The following PCDHGA7 variants were observed in gnomAD, a reference collection of about 807,000 sequenced individuals.
PCDHGA7 encodes protocadherin gamma-A7.
A neutral mutation model predicts 58.3 loss-of-function variants in PCDHGA7; 44 were observed. That is an observed-to-expected ratio of 0.75 (90% CI 0.59 to 0.97). PCDHGA7 has a LOEUF of 0.97. Among genes scored for constraint, PCDHGA7 ranks in the 50% least tolerant of loss-of-function variants. The pLI, the probability that PCDHGA7 is intolerant of heterozygous loss-of-function variation, is 0.00. For missense variants in PCDHGA7, 1,266 were observed against 1,188.7 expected, an observed-to-expected ratio of 1.06 and a Z score of -0.96; for synonymous variants, 516 against 504.2, an observed-to-expected ratio of 1.02 and a Z score of -0.31.
At chr5:141,413,460 C>T (rs1561742736) in intron 1 of PCDHGA7, 4 of 1,613,974 alleles carry the variant, frequency 2.5e-6, no homozygotes, top group Middle Eastern at 1.6e-4. Context: ...GCAGGATAGA[C>T]CGGGAGGAGC....
chr5:141,433,033 C>A, intron 1 of PCDHGA7: 2 of 1,614,164 alleles, frequency 1.2e-6, no homozygotes, highest in Non-Finnish European at 1.7e-6. Flanking sequence ...ACGAGGTTTC[C>A]CTCACCACGG....
At chr5:141,403,513 T>C (rs754840157) in intron 1 of PCDHGA7, 1 of 1,613,714 alleles carries the variant, frequency 6.2e-7, no homozygotes, top group East Asian at 2.2e-5. Flanking sequence ...CTGGAGACAA[T>C]GGAGCCATAA....
intron 1 of PCDHGA7, among the ~76,000 whole-genome samples, chr5:141,488,087 G>A (rs1479773288): frequency 6.6e-6 from 1 of 152,198 alleles, no homozygotes; most frequent in East Asian, 1.9e-4. Flanking sequence ...CTAGTACACT[G>A]TGAAGGGACC....
chr5:141,387,718 T>G, intron 1 of PCDHGA7: 1 of 1,099,216 alleles, frequency 9.1e-7, no homozygotes, highest in South Asian at 1.7e-5. Context: ...CAGCTCAGAC[T>G]CCCCAGCGCC....
At chr5:141,409,200 T>A in intron 1 of PCDHGA7, 1 of 1,614,020 alleles carries the variant, frequency 6.2e-7, no homozygotes, top group Non-Finnish European at 8.5e-7. Flanking sequence ...CAGTGTAAAG[T>A]AATCATAGAA....
At chr5:141,404,593 A>C in intron 1 of PCDHGA7, 1 of 1,614,080 alleles carries the variant, frequency 6.2e-7, no homozygotes, top group Non-Finnish European at 8.5e-7. Flanking sequence ...GCAATGTGTC[A>C]TTGAGACTGT....
At chr5:141,505,121 C>A (rs1194549194) in intron 2 of PCDHGA7, among the ~76,000 whole-genome samples, 1 of 152,168 alleles carries the variant, frequency 6.6e-6, no homozygotes, top group Non-Finnish European at 1.5e-5. Context: ...AAGATCGCGC[C>A]ACTGCACTCC....
chr5:141,384,766 A>G lies in PCDHGA7; in HGVS notation c.1867A>G (p.Thr623Ala). ...EPGLFAVGLY[T>A]GEVRTARALL... ...AGGACTCTTTGCGGTTGGGCTGTAC[A>G]CGGGCGAGGTGCGCACGGCTCGGGC... The change falls in exon 1 of 4, where the codon ACG (threonine) becomes GCG (alanine). Residue 623 changes from threonine (T) to alanine (A), a missense_variant. Physicochemically the swap from Thr to Ala is moderately conservative, Grantham distance 58. Transcript: ENST00000518325. 1.2e-6 allele frequency: 2 copies of G among 1,613,916 alleles called. No homozygotes were observed. The highest frequency in any genetic ancestry group is 1.7e-6 in the Non-Finnish European group (2 of 1,180,002).
chr5:141,502,661 T>G (rs1440361647), intron 2 of PCDHGA7, among the ~76,000 whole-genome samples: 1 of 152,240 alleles, frequency 6.6e-6, no homozygotes. Flanking sequence ...CAACCCTTCA[T>G]GCAATTTTAG....
At chr5:141,473,988 G>C (rs1006988447) in intron 1 of PCDHGA7, among the ~76,000 whole-genome samples, 8 of 152,118 alleles carry the variant, frequency 5.3e-5, no homozygotes, top group Non-Finnish European at 4.4e-5. Context: ...AGGATCCCTT[G>C]AGCCCAAGGA....
intron 1 of PCDHGA7, chr5:141,415,739 G>GGT (rs2095908308): frequency 2.3e-6 from 1 of 434,538 alleles, no homozygotes; most frequent in East Asian, 5.9e-5. Context: ...TGTTTATTAA[G>GGT]GTTTTTTTTT....
chr5:141,426,297 G>T (rs1056504791), intron 1 of PCDHGA7: 3 of 171,478 alleles, frequency 1.7e-5, no homozygotes, highest in African/African-American at 7.1e-5. Context: ...TGGGAAACAG[G>T]GTGAAGCAGA....
At position 141,490,487 on chromosome 5, in the gene PCDHGA7, C is replaced by T. The variant is rs1398601464; in HGVS notation, c.2425-4320C>T. Reference sequence around the variant, plus strand: ...ACCAGCCAGCCTTTGGACCGGGAGGCCACATCCCACTATATCATCGAGCTG... The same window carrying T: ...ACCAGCCAGCCTTTGGACCGGGAGGTCACATCCCACTATATCATCGAGCTG... On this transcript the variant is annotated intron_variant, in intron 1 of 3. Coordinates refer to ENST00000518325, the MANE Select transcript of PCDHGA7 (RefSeq NM_018920.4). This position sits in a 1 kb window ranked among gnomAD's most constrained non-coding sequence, Gnocchi z 5.4. 4 of 1,614,000 alleles carry T rather than the reference C, an allele frequency of 2.5e-6. No homozygotes were observed. The highest frequency in any genetic ancestry group is 1.7e-5 in the Admixed American group (1 of 59,996).
intron 1 of PCDHGA7, chr5:141,414,517 G>A: frequency 6.2e-7 from 1 of 1,613,964 alleles, no homozygotes; most frequent in Non-Finnish European, 8.5e-7. Context: ...ACAAGTGGCA[G>A]ATATCAATGA....
At position 141,384,439 on chromosome 5, in the gene PCDHGA7, C is replaced by A. The variant is rs1314559914; in HGVS notation, c.1540C>A (p.Leu514Met). 6.2e-7 allele frequency: 1 copy of A among 1,614,016 alleles called. No individual in the cohort carries two copies. The highest frequency in any genetic ancestry group is 1.1e-5 in the South Asian group (1 of 91,086). The change falls in exon 1 of 4, where the codon CTG becomes ATG. Residue 514 changes from leucine to methionine, a missense_variant. Physicochemically the swap from Leu to Met is conservative, Grantham distance 15. Transcript: ENST00000518325. ...YVSINSDTGVLYALQSFDYEQ... is the reference protein window; with the variant it reads ...YVSINSDTGVMYALQSFDYEQ... Reference sequence around the variant, plus strand: ...CTCCATAAACTCTGACACTGGAGTCCTGTACGCGCTGCAATCCTTTGATTA... The same window carrying A: ...CTCCATAAACTCTGACACTGGAGTCATGTACGCGCTGCAATCCTTTGATTA...
chr5:141,505,486 G>A lies in PCDHGA7; in HGVS notation c.2572+5G>A, dbSNP rs1291166546. The A allele has an allele frequency of 1.8e-5, 29 of 1,614,088 alleles. No homozygotes were observed. The highest frequency in any genetic ancestry group is 2.1e-5 in the Non-Finnish European group (25 of 1,180,018). On this transcript the variant is annotated splice_donor_5th_base_variant and intron_variant, in intron 3 of 3. Transcript: ENST00000518325. ...TGATCTTGGCGTCCGCCAGTGGTAA[G>A]TGGTGTCAGTGTGTGTATGGAAGAG...
rs561329093 is a variant in PCDHGA7 at position 141,509,163 on chromosome 5, C to A, written c.2573-1784C>A. Among the ~76,000 whole-genome samples the A allele has an allele frequency of 1.4e-4, 21 of 152,322 alleles. No individual in the cohort carries two copies. In the South Asian group the frequency reaches 4.1e-3, roughly 30 times the overall value. On this transcript the variant is annotated intron_variant, in intron 3 of 3. Coordinates refer to ENST00000518325, the MANE Select transcript of PCDHGA7 (RefSeq NM_018920.4). ...CATCCCGGCTCTCCCCTCCCGTGTG[C>A]CCTCCTCCTCTTATGCCGGCTTGAA...
chr5:141,414,946 C>T, intron 1 of PCDHGA7: 1 of 1,614,102 alleles, frequency 6.2e-7, no homozygotes, highest in East Asian at 2.2e-5. Context: ...GCCCGGCTAC[C>T]TGGTGACCAA....
chr5:141,410,517 C>A, intron 1 of PCDHGA7: 1 of 1,613,926 alleles, frequency 6.2e-7, no homozygotes, highest in Non-Finnish European at 8.5e-7. Context: ...TGCAGTGTGC[C>A]CCTACATTCC....
Sources: allele counts gnomAD v4.1 joint callset (sites outside exome capture counted in the v4.1 genomes callset), GRCh38; gene constraint gnomAD v4.1.1; non-coding constraint Gnocchi (gnomAD v3.1); transcripts MANE v1.5; gene names NCBI Gene and HGNC (gene_info 2026-07-23, HGNC 2026-07-21).